The following SMOC1 variants were observed in gnomAD, a reference collection of about 807,000 sequenced individuals.
The protein encoded by SMOC1 is SPARC related modular calcium binding 1, also known as SPARC-related modular calcium-binding protein 1.
In SMOC1, 22 loss-of-function variants were observed where a neutral mutation model predicts 56.3. The ratio of observed to expected loss-of-function variants is 0.39; its 90% CI spans 0.28 to 0.56. SMOC1 has a LOEUF of 0.56. Among genes scored for constraint, SMOC1 ranks in the 20% least tolerant of loss-of-function variants. The pLI, the probability that SMOC1 is intolerant of heterozygous loss-of-function variation, is 0.61. For missense variants in SMOC1, 509 were observed against 565.4 expected (o/e 0.90, Z 1.01); for synonymous variants, 193 against 215.0 (o/e 0.90, Z 0.89).
chr14:69,944,667 C>T (rs534753073), intron 1 of SMOC1, among the ~76,000 whole-genome samples: 24 of 152,040 alleles, frequency 1.6e-4, no homozygotes, highest in Non-Finnish European at 5.9e-5. Context: ...TCACATTGGC[C>T]GTTAAATTGT....
intron 7 of SMOC1, among the ~76,000 whole-genome samples, chr14:70,003,688 C>T (rs1464693640): frequency 2.0e-5 from 3 of 152,178 alleles, no homozygotes. Context: ...GAACTTGCAT[C>T]CAGTGAAGTC....
intron 1 of SMOC1, among the ~76,000 whole-genome samples, chr14:69,935,525 C>A (rs903559794): frequency 6.6e-6 from 1 of 152,188 alleles, no homozygotes; most frequent in African/African-American, 2.4e-5. Context: ...GCCTCCCGAG[C>A]CCCTCTTCCA....
In SMOC1 at chr14:69,953,492, T is replaced by C; in HGVS notation, c.338T>C (p.Val113Ala). ...LEQAKKPQEAVFVPECGEDGS... is the reference protein window; with the variant it reads ...LEQAKKPQEAAFVPECGEDGS... ...CAAGCCAAGAAGCCTCAGGAAGCTG[T>C]GTTTGTCCCAGAGTGTGGCGAGGAT... The change falls in exon 3 of 12, where the codon GTG becomes GCG. Residue 113 changes from valine (V) to alanine (A), a missense_variant. Transcript: ENST00000361956. 1 of 1,614,230 alleles carries C rather than the reference T, an allele frequency of 6.2e-7. No individual in the cohort carries two copies. Among genetic ancestry groups the C allele is most frequent in the Non-Finnish European group, 8.5e-7 (1 of 1,180,040 alleles).
chr14:69,959,964 G>A (rs191296446), intron 3 of SMOC1, among the ~76,000 whole-genome samples: 1 of 152,292 alleles, frequency 6.6e-6, no homozygotes, highest in Admixed American at 6.5e-5. Context: ...CAGCCCCACA[G>A]TATAGAAACG....
At chr14:69,936,951 T>C (rs1885310894) in intron 1 of SMOC1, among the ~76,000 whole-genome samples, 1 of 152,236 alleles carries the variant, frequency 6.6e-6, no homozygotes, top group African/African-American at 2.4e-5. Flanking sequence ...TATGTATATT[T>C]ATATACATGT....
chr14:70,013,353 G>A (rs1270319681), intron 9 of SMOC1, 33 bp from the exon 10 acceptor site: 18 of 1,564,334 alleles, frequency 1.2e-5, no homozygotes, highest in Admixed American at 3.3e-5. Context: ...TTATTATCTG[G>A]CATCTACCTT....
intron 11 of SMOC1, among the ~76,000 whole-genome samples, chr14:70,026,108 A>G (rs1885914040): frequency 6.6e-6 from 1 of 152,214 alleles, no homozygotes; most frequent in African/African-American, 2.4e-5. Context: ...ATGAATGAAT[A>G]AGTGAAGGAA....
At chr14:69,921,694 A>T (rs1884847296) in intron 1 of SMOC1, among the ~76,000 whole-genome samples, 1 of 152,186 alleles carries the variant, frequency 6.6e-6, no homozygotes, top group African/African-American at 2.4e-5. Context: ...ACATAAGAGC[A>T]TTCCCAGGGC....
At chr14:69,925,640 G>A (rs564712490) in intron 1 of SMOC1, among the ~76,000 whole-genome samples, 1 of 152,224 alleles carries the variant, frequency 6.6e-6, no homozygotes, top group South Asian at 2.1e-4. Flanking sequence ...CTCCGTCTCC[G>A]GCACTAAGAA....
intron 7 of SMOC1, among the ~76,000 whole-genome samples, chr14:70,009,565 AT>A (rs1185342545): frequency 6.6e-6 from 1 of 152,244 alleles, no homozygotes; most frequent in African/African-American, 2.4e-5. Context: ...ATCTGTAAAC[AT>A]TCAGTGGGTG....
intron 6 of SMOC1, among the ~76,000 whole-genome samples, chr14:69,993,438 T>G (rs1358370482): frequency 6.6e-6 from 1 of 152,032 alleles, no homozygotes; most frequent in East Asian, 1.9e-4. Context: ...ACAATAAGGT[T>G]GGGATTTTAG....
chr14:69,908,697 G>C (rs1437323208), intron 1 of SMOC1, among the ~76,000 whole-genome samples: 3 of 152,164 alleles, frequency 2.0e-5, no homozygotes, highest in African/African-American at 7.2e-5. Flanking sequence ...GCCTTCCAGT[G>C]CTCTCTGACA....
chr14:69,998,977 C>T (rs556081020), intron 7 of SMOC1, among the ~76,000 whole-genome samples: 22 of 152,316 alleles, frequency 1.4e-4, no homozygotes, highest in Non-Finnish European at 2.5e-4. Flanking sequence ...AGACCCACAG[C>T]GCTCCCTTCT....
At chr14:69,994,591 G>T (rs1884699735) in intron 7 of SMOC1, 111 bp downstream of exon 7, 4 of 872,230 alleles carry the variant, frequency 4.6e-6, no homozygotes, top group Non-Finnish European at 7.7e-6. Flanking sequence ...CTGTCTGGTT[G>T]TCAATTTCTA....
At chr14:69,993,046 G>A (rs1396428042) in intron 6 of SMOC1, among the ~76,000 whole-genome samples, 3 of 152,326 alleles carry the variant, frequency 2.0e-5, no homozygotes, top group Non-Finnish European at 4.4e-5. Flanking sequence ...GCTGGATCTT[G>A]AAAGTGGTGG....
intron 1 of SMOC1, among the ~76,000 whole-genome samples, chr14:69,937,217 A>G (rs1885317650): frequency 6.6e-6 from 1 of 152,162 alleles, no homozygotes; most frequent in African/African-American, 2.4e-5. Context: ...GGACTGCTTA[A>G]CAGATGGGAT....
chr14:70,021,685 A>T (rs1885730773), intron 10 of SMOC1, among the ~76,000 whole-genome samples: 1 of 152,218 alleles, frequency 6.6e-6, no homozygotes, highest in African/African-American at 2.4e-5. Flanking sequence ...AGGAATAGGC[A>T]TCTAACAGGG....
intron 1 of SMOC1, among the ~76,000 whole-genome samples, chr14:69,883,393 T>A (rs1289845316): frequency 6.6e-6 from 1 of 152,216 alleles, no homozygotes; most frequent in Non-Finnish European, 1.5e-5. Context: ...TATCTGTCCT[T>A]CTGTGGCTGG....
At chr14:69,961,311 TA>T (rs1883370454) in intron 3 of SMOC1, among the ~76,000 whole-genome samples, 1 of 138,702 alleles carries the variant, frequency 7.2e-6, no homozygotes, top group African/African-American at 2.7e-5. Flanking sequence ...TATATATATA[TA>T]TATATATCCT....
Sources: allele counts gnomAD v4.1 joint callset (sites outside exome capture counted in the v4.1 genomes callset), GRCh38; gene constraint gnomAD v4.1.1; transcripts MANE v1.5; gene names NCBI Gene and HGNC (gene_info 2026-07-23, HGNC 2026-07-21).